Variants in MBP observed in about 807,000 individuals in gnomAD.
MBP encodes the protein Golli-MBP.
MBP carries 16 observed loss-of-function variants against 35.8 expected under a neutral mutation model. The ratio of observed to expected loss-of-function variants is 0.45; its 90% CI spans 0.30 to 0.68. The LOEUF is 0.68. Ranked by LOEUF, MBP falls within the 30% of genes least tolerant of loss-of-function variation. MBP has a pLI of 0.08. For synonymous variants in MBP, 143 were observed against 159.6 expected (o/e 0.90, Z 0.78); for missense variants, 380 against 404.7 (o/e 0.94, Z 0.52).
intron 1 of MBP, among the ~76,000 whole-genome samples, chr18:77,122,242 A>G (rs1976906274): frequency 6.6e-6 from 1 of 152,232 alleles, no homozygotes; most frequent in African/African-American, 2.4e-5. Flanking sequence ...GCAATGTAGC[A>G]TTTAAGCCCC....
chr18:77,125,639 A>AATTTTGC (rs1336295320), intron 1 of MBP, among the ~76,000 whole-genome samples: 1 of 152,154 alleles, frequency 6.6e-6, no homozygotes, highest in Non-Finnish European at 1.5e-5. Flanking sequence ...TGTTATTTAG[A>AATTTTGC]ATTTTGTCCA....
chr18:77,071,918 A>T (rs1014090951), intron 2 of MBP, among the ~76,000 whole-genome samples: 7 of 152,180 alleles, frequency 4.6e-5, no homozygotes, highest in Non-Finnish European at 2.9e-5. Flanking sequence ...TTCCCAGAAG[A>T]AAAATTACAG....
intron 2 of MBP, among the ~76,000 whole-genome samples, chr18:77,091,571 T>C (rs1975521926): frequency 6.7e-6 from 1 of 148,986 alleles, no homozygotes; most frequent in Admixed American, 6.8e-5. Flanking sequence ...GGATGACGTC[T>C]GCAGGGCAAG....
chr18:77,048,915 TTTTTAA>T (rs1973367216), intron 3 of MBP, among the ~76,000 whole-genome samples: 1 of 151,356 alleles, frequency 6.6e-6, no homozygotes, highest in Non-Finnish European at 1.5e-5. Flanking sequence ...GCAGGGTTTT[TTTTTAA>T]TTTTATTTAT....
intron 2 of MBP, among the ~76,000 whole-genome samples, chr18:77,104,689 A>G (rs1050215082): frequency 2.0e-5 from 3 of 152,230 alleles, no homozygotes; most frequent in African/African-American, 7.2e-5. Flanking sequence ...GCAGCTAGTT[A>G]GAGAGAATGC....
intron 1 of MBP, among the ~76,000 whole-genome samples, chr18:77,126,748 C>T (rs949911018): frequency 2.0e-5 from 3 of 152,122 alleles, no homozygotes; most frequent in East Asian, 1.9e-4. Flanking sequence ...CCACAATAAA[C>T]GTGGAAACTG....
rs1428198586 is a variant in MBP at position 76,979,730 on chromosome 18, G to A, written c.*697C>T. 1.1e-5 allele frequency: 6 copies of A among 568,058 alleles called. No individual in the cohort carries two copies. The highest frequency in any genetic ancestry group is 6.4e-5 in the South Asian group (3 of 46,644). The allele number at this position is 568,058 out of a possible 1,614,324, so 35.2% of individuals were successfully genotyped here. ...TATGTGAGGCCATTGCCCAGCCCAC[G>A]TTTGCCTCCTTTTCCTCCCTCTGCC... is the stretch of plus-strand genomic sequence containing the variant. On this transcript the variant is annotated 3_prime_UTR_variant, in exon 9 of 9. Transcript: ENST00000355994.
chr18:77,037,155 A>T (rs12456333), intron 3 of MBP, among the ~76,000 whole-genome samples: 1 of 140,282 alleles, frequency 7.1e-6, no homozygotes, highest in East Asian at 2.2e-4. Context: ...TGCTGATCAC[A>T]TTTTGGAGAC....
intron 3 of MBP, chr18:77,017,487 G>C (rs1220913369): frequency 5.0e-6 from 2 of 397,114 alleles, no homozygotes; most frequent in Admixed American, 8.4e-5. Context: ...TCAGTTACTC[G>C]AGATTTGGCA....
At chr18:77,067,436 C>T (rs973723567) in intron 2 of MBP, among the ~76,000 whole-genome samples, 8 of 152,236 alleles carry the variant, frequency 5.3e-5, no homozygotes, top group East Asian at 1.9e-4. Flanking sequence ...TTGCACAGCC[C>T]GCTAGCATTT....
intron 1 of MBP, among the ~76,000 whole-genome samples, chr18:77,130,250 C>T (rs964592822): frequency 8.6e-5 from 13 of 151,974 alleles, no homozygotes; most frequent in African/African-American, 3.1e-4. Flanking sequence ...AAAGGAGGAA[C>T]GAGGAGCACC....
chr18:77,058,180 C>G lies in MBP; in HGVS notation c.139+8118G>C, dbSNP rs1027733166. On this transcript the variant is annotated intron_variant, in intron 3 of 8. Coordinates refer to ENST00000355994, the MANE Select transcript of MBP (RefSeq NM_001025101.2). ...GCTGCACCGGCTCTTCAGGGACCCT[C>G]CGGGGAGAAGAGGCATCCCCTCCCC... 6.6e-5 allele frequency among the ~76,000 whole-genome samples: 10 copies of G among 152,202 alleles called. No homozygotes were observed. The South Asian group carries it at 1.0e-3, about 16-fold the overall frequency.
At chr18:77,016,474 A>G in intron 4 of MBP, 1 of 1,105,162 alleles carries the variant, frequency 9.0e-7, no homozygotes, top group Admixed American at 4.5e-5. Context: ...CAGAGGCAAC[A>G]TCAGTCATCA....
intron 2 of MBP, among the ~76,000 whole-genome samples, chr18:77,090,925 G>C (rs1460546033): frequency 6.6e-6 from 1 of 152,244 alleles, no homozygotes; most frequent in Non-Finnish European, 1.5e-5. Context: ...AAGGGAGGAA[G>C]AGTTCCCGTG....
At chr18:77,079,588 A>G (rs1462178941) in intron 2 of MBP, among the ~76,000 whole-genome samples, 1 of 152,232 alleles carries the variant, frequency 6.6e-6, no homozygotes, top group Non-Finnish European at 1.5e-5. Flanking sequence ...AAATATTATA[A>G]TAGCACACAC....
At chr18:77,003,342 C>T (rs762149977) in intron 4 of MBP, 1 of 152,162 alleles carries the variant, frequency 6.6e-6, no homozygotes, top group Non-Finnish European at 1.5e-5. Context: ...ATCCACAAAG[C>T]GGCATTCGGG....
intron 2 of MBP, among the ~76,000 whole-genome samples, chr18:77,072,150 C>G (rs1395048315): frequency 6.6e-6 from 1 of 152,104 alleles, no homozygotes; most frequent in African/African-American, 2.4e-5. Flanking sequence ...CGTACACACC[C>G]CTCCGCCTCC....
At chr18:77,079,036 TC>T (rs1266171798) in intron 2 of MBP, among the ~76,000 whole-genome samples, 13 of 152,248 alleles carry the variant, frequency 8.5e-5, no homozygotes, top group Admixed American at 7.8e-4. Flanking sequence ...AGCAGGAGTG[TC>T]CCACAGGAGG....
chr18:77,009,264 C>T (rs1219509994), intron 4 of MBP, among the ~76,000 whole-genome samples: 2 of 152,202 alleles, frequency 1.3e-5, no homozygotes, highest in Admixed American at 6.5e-5. Context: ...CTTTGAGAAG[C>T]CGTGGCAGCC....
Sources: gnomAD v4.1 joint callset for allele counts (sites outside exome capture counted in the v4.1 genomes callset) on GRCh38, gnomAD v4.1.1 for gene constraint, MANE v1.5 for transcripts, NCBI Gene and HGNC (gene_info 2026-07-23, HGNC 2026-07-21) for gene names.